ALG9: variants seen among roughly 807,000 people sequenced by gnomAD.
ALG9 encodes the protein alpha-1,2-mannosyltransferase ALG9.
Under a neutral mutation model 81.8 loss-of-function variants are expected in ALG9, and 55 were observed. That is an observed-to-expected ratio of 0.67 (90% CI 0.54 to 0.84). The LOEUF (loss-of-function observed/expected upper bound fraction) is 0.84, where lower values mean the gene tolerates loss of function less well. Ranked by LOEUF, ALG9 falls within the 40% of genes least tolerant of loss-of-function variation. The probability of loss-of-function intolerance (pLI) is 0.00; values close to 1 mark genes in which losing one functional copy is unlikely to be tolerated. For synonymous variants in ALG9, 278 were observed against 274.3 expected, an observed-to-expected ratio of 1.01 and a Z score of -0.13; for missense variants, 629 against 745.0, an observed-to-expected ratio of 0.84 and a Z score of 1.81.
intron 9 of ALG9, among the ~76,000 whole-genome samples, chr11:111,842,921 A>C (rs1254880210): frequency 2.0e-5 from 3 of 152,066 alleles, no homozygotes; most frequent in African/African-American, 7.2e-5. Flanking sequence ...AAGCATTTCC[A>C]AATTTTCCAC....
At chr11:111,813,733 C>A (rs1555094049) in intron 13 of ALG9, among the ~76,000 whole-genome samples, 1 of 151,972 alleles carries the variant, frequency 6.6e-6, no homozygotes. Context: ...GAAATGGCCA[C>A]AACAAGTGAA....
chr11:111,863,512 C>T (rs1376014495), intron 4 of ALG9, among the ~76,000 whole-genome samples: 1 of 152,046 alleles, frequency 6.6e-6, no homozygotes, highest in Non-Finnish European at 1.5e-5. Flanking sequence ...TTTTTCCCTC[C>T]ACTCCACTCA....
At chr11:111,773,684 A>T in the ALG9 span, among the ~76,000 whole-genome samples, 2 of 151,910 alleles carry the variant, frequency 1.3e-5, no homozygotes, top group Non-Finnish European at 2.9e-5. Context: ...CTCGGAAAAA[A>T]ATGTTTTGTT....
chr11:111,813,372 TG>T (rs1173768528), intron 13 of ALG9, among the ~76,000 whole-genome samples: 1 of 151,944 alleles, frequency 6.6e-6, no homozygotes, highest in East Asian at 1.9e-4. Flanking sequence ...GAGGCTGAGG[TG>T]GGAGGATCAC....
At chr11:111,822,907 C>T (rs1952659894) in intron 13 of ALG9, among the ~76,000 whole-genome samples, 1 of 151,972 alleles carries the variant, frequency 6.6e-6, no homozygotes, top group South Asian at 2.1e-4. Context: ...TCCTGTAATC[C>T]CAGCTACTCA....
intron 5 of ALG9, 72 bp from the exon 6 acceptor site, chr11:111,857,809 T>C (rs1566176569): frequency 1.3e-6 from 2 of 1,558,772 alleles, no homozygotes; most frequent in East Asian, 2.3e-5. Context: ...AATTAAAAAC[T>C]GATTAAAAAT....
At chr11:111,860,432 A>T in intron 5 of ALG9, 115 bp downstream of exon 5, 1 of 883,274 alleles carries the variant, frequency 1.1e-6, no homozygotes, top group Non-Finnish European at 1.9e-6. Flanking sequence ...CTACATTTGG[A>T]CAAATGCTTC....
At chr11:111,781,476 C>T (rs1287849690), downstream of ALG9, among the ~76,000 whole-genome samples, 1 of 152,036 alleles carries the variant, frequency 6.6e-6, no homozygotes, top group Non-Finnish European at 1.5e-5. Flanking sequence ...ACAACCCCAA[C>T]AAAGGGGGAA....
chr11:111,820,163 G>A (rs578084491), intron 13 of ALG9, among the ~76,000 whole-genome samples: 1 of 152,240 alleles, frequency 6.6e-6, no homozygotes, highest in South Asian at 2.1e-4. Flanking sequence ...CTGCATTCCT[G>A]CTATTGGGAA....
chr11:111,770,750 T>G, the ALG9 span, among the ~76,000 whole-genome samples: 2 of 152,192 alleles, frequency 1.3e-5, no homozygotes, highest in East Asian at 3.8e-4. Context: ...GCTGGACTTC[T>G]GGAATTTAGC....
chr11:111,793,750 G>A (rs1402514624), intron 14 of ALG9, among the ~76,000 whole-genome samples: 1 of 140,624 alleles, frequency 7.1e-6, no homozygotes, highest in Non-Finnish European at 1.5e-5. Context: ...GACAGAGTGA[G>A]AGTCCAGCTC....
intron 13 of ALG9, among the ~76,000 whole-genome samples, chr11:111,827,344 C>T (rs1202046870): frequency 6.6e-6 from 1 of 151,964 alleles, no homozygotes; most frequent in East Asian, 1.9e-4. Context: ...GGCGGGGTGG[C>T]GCATGCCTGT....
chr11:111,795,199 C>A (rs921857849), intron 14 of ALG9, among the ~76,000 whole-genome samples: 8 of 152,154 alleles, frequency 5.3e-5, no homozygotes, highest in Non-Finnish European at 1.2e-4. Flanking sequence ...AATGAATGAG[C>A]GCCTATGCTC....
intron 6 of ALG9, among the ~76,000 whole-genome samples, chr11:111,855,768 T>C (rs1041181891): frequency 2.0e-5 from 3 of 152,070 alleles, no homozygotes; most frequent in African/African-American, 4.8e-5. Context: ...GGCTGAGAGA[T>C]AGCAGAAAGT....
intron 5 of ALG9, 66 bp downstream of exon 5, chr11:111,860,481 T>C (rs1415137155): frequency 1.5e-6 from 2 of 1,305,160 alleles, no homozygotes; most frequent in African/African-American, 2.9e-5. Context: ...AACCTGCAAT[T>C]CCCTCATCTG....
At chr11:111,801,936 A>T (rs1489928508) in intron 14 of ALG9, among the ~76,000 whole-genome samples, 2 of 152,216 alleles carry the variant, frequency 1.3e-5, no homozygotes, top group Non-Finnish European at 2.9e-5. Flanking sequence ...CCCAAATACT[A>T]TAACAAACAA....
At chr11:111,774,591 A>G in the ALG9 span, among the ~76,000 whole-genome samples, 1 of 152,186 alleles carries the variant, frequency 6.6e-6, no homozygotes, top group Non-Finnish European at 1.5e-5. Flanking sequence ...TGTGCAGCAT[A>G]TCCATTTGTA....
intron 14 of ALG9, among the ~76,000 whole-genome samples, chr11:111,790,304 G>A (rs1248378247): frequency 6.6e-6 from 1 of 152,064 alleles, no homozygotes; most frequent in African/African-American, 2.4e-5. Context: ...TCCAGCCTGG[G>A]TGATGAGGCA....
chr11:111,867,551 G>C (rs545825462), intron 3 of ALG9, among the ~76,000 whole-genome samples: 1 of 152,258 alleles, frequency 6.6e-6, no homozygotes, highest in Non-Finnish European at 1.5e-5. Context: ...AAAGTACATA[G>C]AACAAACTAA....
Sources: allele counts gnomAD v4.1 joint callset (sites outside exome capture counted in the v4.1 genomes callset), GRCh38; gene constraint gnomAD v4.1.1; transcripts MANE v1.5; gene names NCBI Gene and HGNC (gene_info 2026-07-23, HGNC 2026-07-21).